The following DAPK1 variants were observed in gnomAD, a reference collection of about 807,000 sequenced individuals.
The protein encoded by DAPK1 is death associated protein kinase 1.
Under a neutral mutation model 144.9 loss-of-function variants are expected in DAPK1, and 56 were observed. That is an observed-to-expected ratio of 0.39 (90% CI 0.31 to 0.48). The LOEUF is 0.48. Ranked by LOEUF, DAPK1 falls within the 20% of genes least tolerant of loss-of-function variation. DAPK1 has a pLI of 0.95. For synonymous variants in DAPK1, 690 were observed against 749.0 expected (o/e 0.92, Z 1.29); for missense variants, 1,454 against 1,875.4 (o/e 0.78, Z 4.15).
At position 87,506,462 on chromosome 9, in the gene DAPK1, C is replaced by T. The variant is rs147859402; in HGVS notation, c.62+7323C>T. ...CATGTGGCGTAGTTTTATTCAAGTC[C>T]CAAGTTAATGGTTTACCTTTTTAGA... On this transcript the variant is annotated intron_variant, in intron 2 of 25. Coordinates refer to ENST00000408954, the MANE Select transcript of DAPK1 (RefSeq NM_004938.4). Among the ~76,000 whole-genome samples the T allele has an allele frequency of 1.0e-3, 154 of 152,258 alleles. 1 individual carries two copies. The highest frequency in any genetic ancestry group is 3.6e-3 in the African/African-American group (148 of 41,546).
intron 15 of DAPK1, 96 bp downstream of exon 15, chr9:87,648,975 C>G (rs1170980320): frequency 5.6e-6 from 6 of 1,081,036 alleles, no homozygotes; most frequent in African/African-American, 3.1e-5. Flanking sequence ...TTTATCCAAG[C>G]TAGGCTTTCT....
chr9:87,549,223 G>T (rs780086101), intron 2 of DAPK1, among the ~76,000 whole-genome samples: 1 of 152,076 alleles, frequency 6.6e-6, no homozygotes, highest in Non-Finnish European at 1.5e-5. Flanking sequence ...AGTTTGCTGA[G>T]GATAATGGCC....
chr9:87,613,081 T>C (rs1400303706), intron 3 of DAPK1, among the ~76,000 whole-genome samples: 1 of 152,202 alleles, frequency 6.6e-6, no homozygotes, highest in African/African-American at 2.4e-5. Flanking sequence ...TTTAGCTTTC[T>C]CTCTCTTTCT....
intron 2 of DAPK1, among the ~76,000 whole-genome samples, chr9:87,507,526 G>A (rs1389633776): frequency 1.3e-5 from 2 of 152,134 alleles, no homozygotes; most frequent in Non-Finnish European, 2.9e-5. Context: ...TTTACCTTAT[G>A]TACTACCTTT....
intron 25 of DAPK1, 56 bp downstream of exon 25, chr9:87,703,273 G>A: frequency 1.0e-6 from 1 of 1,004,590 alleles, no homozygotes; most frequent in Non-Finnish European, 1.5e-6. Flanking sequence ...GACTCAGCCT[G>A]TCCCAAATTC....
At chr9:87,575,783 G>A (rs529227217) in intron 2 of DAPK1, among the ~76,000 whole-genome samples, 19 of 152,258 alleles carry the variant, frequency 1.2e-4, no homozygotes, top group Non-Finnish European at 2.1e-4. Flanking sequence ...AGAAAAGAGT[G>A]TACGAAGAGT....
At chr9:87,498,467 G>A (rs1218274169) in intron 1 of DAPK1, 1 of 265,556 alleles carries the variant, frequency 3.8e-6, no homozygotes. Context: ...GTGGCTCTGG[G>A]GACTGCCTCG....
At chr9:87,657,205 T>C (rs1564052760) in intron 17 of DAPK1, among the ~76,000 whole-genome samples, 1 of 152,200 alleles carries the variant, frequency 6.6e-6, no homozygotes, top group Non-Finnish European at 1.5e-5. Flanking sequence ...TCCTAACAGC[T>C]TAGCAGCAGC....
intron 3 of DAPK1, among the ~76,000 whole-genome samples, chr9:87,607,895 G>A (rs1477217351): frequency 3.3e-5 from 5 of 152,198 alleles, no homozygotes; most frequent in Admixed American, 2.0e-4. Flanking sequence ...GAAGAAAAGA[G>A]ATTCAATTGA....
intron 2 of DAPK1, among the ~76,000 whole-genome samples, chr9:87,599,824 C>T (rs1382232176): frequency 6.6e-6 from 1 of 152,178 alleles, no homozygotes; most frequent in African/African-American, 2.4e-5. Flanking sequence ...CCAGGGTTAC[C>T]TTCTTGTGAG....
In DAPK1 at chr9:87,697,104, T is replaced by C; in HGVS notation, c.2511T>C (p.Val837=). ...CAAATGATCCCACGTCAATCCATGT[T>C]GTTGTCTTTAGTCTAGAAGAGCCCT... is the stretch of plus-strand genomic sequence containing the variant. ...FAANDPTSIH[V]VVFSLEEPYE... is the part of the protein sequence containing the mutation. Residue 837 remains valine (V), a synonymous_variant, in exon 22 of 26, where the codon GTT becomes GTC. Coordinates refer to ENST00000408954, the MANE Select transcript of DAPK1 (RefSeq NM_004938.4). The C allele has an allele frequency of 6.4e-7, 1 of 1,557,354 alleles. No individual in the cohort carries two copies. The highest frequency in any genetic ancestry group is 8.9e-7 in the Non-Finnish European group (1 of 1,128,204).
Position 87,700,105 on chromosome 9 carries a change from C to A in DAPK1, c.2751-12C>A. 1 of 1,610,448 alleles carries A rather than the reference C, an allele frequency of 6.2e-7. No individual in the cohort carries two copies. The highest frequency in any genetic ancestry group is 8.5e-7 in the Non-Finnish European group (1 of 1,176,738). The stretch of plus-strand genomic sequence containing the variant: ...TGACTCACTGCTGAGGAGGCTGCTG[C>A]TCTTCCCTTAGGTTTGGAAATGATC... On this transcript the variant is annotated splice_polypyrimidine_tract_variant and intron_variant, in intron 23 of 25. Transcript: ENST00000408954.
chr9:87,612,533 A>G (rs1461767532), intron 3 of DAPK1, among the ~76,000 whole-genome samples: 1 of 152,182 alleles, frequency 6.6e-6, no homozygotes, highest in Non-Finnish European at 1.5e-5. Flanking sequence ...ATGTGATAGC[A>G]GGTTGTTGTT....
At chr9:87,649,340 A>G (rs548975904) in intron 15 of DAPK1, among the ~76,000 whole-genome samples, 50 of 152,342 alleles carry the variant, frequency 3.3e-4, no homozygotes, top group African/African-American at 1.2e-3. Flanking sequence ...TCCTGAAGAT[A>G]CAGGCCTCAC....
At position 87,605,182 on chromosome 9, in the gene DAPK1, G is replaced by T. The variant is rs200968517; in HGVS notation, c.284+7G>T. ...TCATCCTGATCTTGGAACTGTGAGT[G>T]CCGCCTGGGCCAGGCTGGGGAGAGG... On this transcript the variant is annotated splice_region_variant and intron_variant, in intron 3 of 25. Transcript: ENST00000408954. 67 of 1,607,648 alleles carry T rather than the reference G, an allele frequency of 4.2e-5. No homozygotes were observed. Among genetic ancestry groups the T allele is most frequent in the Non-Finnish European group, 5.0e-5 (59 of 1,174,548 alleles).
intron 13 of DAPK1, 71 bp downstream of exon 13, chr9:87,646,630 C>A: frequency 8.1e-6 from 10 of 1,241,408 alleles, no homozygotes; most frequent in African/African-American, 1.5e-5. Flanking sequence ...ATAGGGGTAA[C>A]AGAGGAAAAA....
At chr9:87,588,606 G>T (rs557268437) in intron 2 of DAPK1, among the ~76,000 whole-genome samples, 2 of 152,258 alleles carry the variant, frequency 1.3e-5, no homozygotes, top group African/African-American at 4.8e-5. Flanking sequence ...TCTCCCAACT[G>T]TGCATTTCCT....
At chr9:87,589,798 A>T (rs1828061974) in intron 2 of DAPK1, among the ~76,000 whole-genome samples, 2 of 152,220 alleles carry the variant, frequency 1.3e-5, no homozygotes, top group East Asian at 1.9e-4. Context: ...TGAATGAAGT[A>T]TCAGGGCCAG....
At chr9:87,509,630 GAT>G (rs1472106634) in intron 2 of DAPK1, among the ~76,000 whole-genome samples, 1 of 152,204 alleles carries the variant, frequency 6.6e-6, no homozygotes, top group Non-Finnish European at 1.5e-5. Context: ...ACAATGCTGG[GAT>G]TACAGGCGTG....
Sources: gnomAD v4.1 joint callset for allele counts (sites outside exome capture counted in the v4.1 genomes callset) on GRCh38, gnomAD v4.1.1 for gene constraint, MANE v1.5 for transcripts, NCBI Gene and HGNC (gene_info 2026-07-23, HGNC 2026-07-21) for gene names.